Variants in ZNF468 observed in about 807,000 individuals in gnomAD.
The protein encoded by ZNF468 is zinc finger protein ZNF468.
Under a neutral mutation model 7.2 loss-of-function variants are expected in ZNF468, and 8 were observed. That is an observed-to-expected ratio of 1.11 (90% confidence interval 0.65 to 2.01). The LOEUF (loss-of-function observed/expected upper bound fraction) is 2.01. Among genes scored for constraint, ZNF468 ranks in the 30% most tolerant of loss-of-function variants. The probability of loss-of-function intolerance (pLI) is 0.00; values close to 1 mark genes in which losing one functional copy is unlikely to be tolerated. For missense variants in ZNF468, 608 were observed against 626.5 expected (o/e 0.97, Z 0.31); for synonymous variants, 218 against 214.4 (o/e 1.02, Z -0.15).
At chr19:52,849,320 G>A in intron 2 of ZNF468, 107 bp from the exon 3 acceptor site, 1 of 1,571,744 alleles carries the variant, frequency 6.4e-7, no homozygotes, top group Non-Finnish European at 8.6e-7. Context: ...TGTAGAGAAT[G>A]TTCTGACAAA....
At chr19:52,843,135 A>G (rs1600515203) in intron 3 of ZNF468, among the ~76,000 whole-genome samples, 1 of 151,852 alleles carries the variant, frequency 6.6e-6, no homozygotes, top group Non-Finnish European at 1.5e-5. Context: ...AAAAAAAAAA[A>G]AAAAAAGAAA....
At chr19:52,852,242 T>C (rs2063396407) in intron 2 of ZNF468, among the ~76,000 whole-genome samples, 1 of 152,034 alleles carries the variant, frequency 6.6e-6, no homozygotes, top group Non-Finnish European at 1.5e-5. Context: ...GGCTGGCACC[T>C]GTAATCCCAG....
Position 52,842,068 on chromosome 19 carries a change from T to G in ZNF468, c.226A>C (p.Arg76=), listed in dbSNP as rs8100893. The stretch of plus-strand genomic sequence containing the variant: ...TCTCCAATGTGATGACTTGCTTGTC[T>G]GTGCAATGTCCCTGTGTGGATCACT... ...TEVIHTGTLH[R]QASHHIGEFC... The change falls in exon 4 of 4, where the codon AGA becomes CGA. Residue 76 remains arginine (R), a synonymous_variant. Coordinates refer to ENST00000595646, the MANE Select transcript of ZNF468 (RefSeq NM_001008801.2). The G allele has an allele frequency of 0.15, 244,508 of 1,613,604 alleles. 21,364 individuals carry two copies. The highest frequency in any genetic ancestry group is 0.38 in the Admixed American group (22,791 of 59,912).
intron 2 of ZNF468, among the ~76,000 whole-genome samples, chr19:52,851,568 T>C (rs2063390186): frequency 6.6e-6 from 1 of 151,934 alleles, no homozygotes; most frequent in Non-Finnish European, 1.5e-5. Flanking sequence ...GAGCAAGATT[T>C]CGCTCAAAAA....
chr19:52,846,597 C>T (rs12982980), intron 3 of ZNF468: 48,698 of 156,010 alleles, frequency 0.31, 9,994 homozygotes, highest in Non-Finnish European at 0.44. Flanking sequence ...GTACAACACA[C>T]TTCACTTCTA....
At chr19:52,842,226 A>AG in intron 3 of ZNF468, 75 bp from the exon 4 acceptor site, 5 of 1,293,816 alleles carry the variant, frequency 3.9e-6, no homozygotes, top group Non-Finnish European at 5.2e-6. Flanking sequence ...TAAATATCAC[A>AG]GAAAAAAAAC....
intron 2 of ZNF468, among the ~76,000 whole-genome samples, chr19:52,851,302 T>C (rs1013948561): frequency 2.7e-5 from 4 of 149,952 alleles, no homozygotes; most frequent in East Asian, 2.0e-4. Context: ...AAAAGCTGGG[T>C]GAGGTGGCTC....
rs768637243 is a variant in ZNF468 at position 52,838,730 on chromosome 19, A to C, written c.*1995T>G. On this transcript the variant is annotated 3_prime_UTR_variant, in exon 4 of 4. Transcript: ENST00000595646. ...AATTTTAAAAGAAAATTAAAAACCA[A>C]TTCCATTTGCTAAAGAACTTAAAGT... The C allele has an allele frequency of 7.9e-5, 12 of 152,232 alleles. No individual in the cohort carries two copies. Among genetic ancestry groups the C allele is most frequent in the Non-Finnish European group, 1.8e-4 (12 of 68,040 alleles). The allele number at this position is 152,232 out of a possible 1,614,324, so 9.4% of individuals were successfully genotyped here.
intron 3 of ZNF468, among the ~76,000 whole-genome samples, chr19:52,843,922 C>T (rs2063324240): frequency 6.6e-6 from 1 of 152,014 alleles, no homozygotes; most frequent in African/African-American, 2.4e-5. Context: ...GAGTTGAAGA[C>T]CAGCCTGGAC....
Position 52,846,248 on chromosome 19 carries a change from G to A in ZNF468, c.142+2839C>T, listed in dbSNP as rs144113351. ...TTTATTTTTTTCTGTCTCCCAGGCT[G>A]GAGTGCGATGGTGTGTTATCAGCTC... On this transcript the variant is annotated intron_variant, in intron 3 of 3. Transcript: ENST00000595646. Among the ~76,000 whole-genome samples the A allele has an allele frequency of 3.6e-3, 553 of 152,174 alleles. 4 individuals carry two copies. The highest frequency in any genetic ancestry group is 6.5e-3 in the Admixed American group (100 of 15,282).
At chr19:52,844,307 C>CA (rs2063326986) in intron 3 of ZNF468, among the ~76,000 whole-genome samples, 1 of 149,030 alleles carries the variant, frequency 6.7e-6, no homozygotes, top group South Asian at 2.1e-4. Context: ...CTCTTTCCAC[C>CA]GTATTAGGAC....
Position 52,855,631 on chromosome 19 carries a change from C to T in ZNF468, c.-73-1286G>A, listed in dbSNP as rs140506586. Among the ~76,000 whole-genome samples the T allele has an allele frequency of 5.5e-3, 836 of 152,096 alleles. 8 individuals carry two copies. Among genetic ancestry groups the T allele is most frequent in the African/African-American group, 0.019 (801 of 41,500 alleles). On this transcript the variant is annotated intron_variant, in intron 1 of 3. Transcript: ENST00000595646. Reference sequence around the variant, plus strand: ...TGTGATATTCTAATACAGACAAAGGCCTCCAAAGATCCTCTCTGTTTCTGA... The same window carrying T: ...TGTGATATTCTAATACAGACAAAGGTCTCCAAAGATCCTCTCTGTTTCTGA...
intron 2 of ZNF468, 61 bp downstream of exon 2, chr19:52,854,197 C>T: frequency 6.2e-7 from 1 of 1,612,556 alleles, no homozygotes; most frequent in Non-Finnish European, 8.5e-7. Context: ...ATTCCCAACT[C>T]CAAGGCCCAG....
chr19:52,840,605 C>G lies in ZNF468; in HGVS notation c.*120G>C, dbSNP rs1209831166. The G allele has an allele frequency of 2.6e-6, 4 of 1,513,564 alleles. No individual in the cohort carries two copies. In the Admixed American group the frequency reaches 5.1e-5, roughly 19 times the overall value. 93.8% of individuals were successfully genotyped at this position (1,513,564 alleles called of 1,614,324 possible). A position where few individuals can be genotyped will look rare whatever the true frequency, so the allele number is the denominator to read the frequency against. On this transcript the variant is annotated 3_prime_UTR_variant, in exon 4 of 4. Coordinates refer to ENST00000595646, the MANE Select transcript of ZNF468 (RefSeq NM_001008801.2). ...AGTCTATGGTGATGTGCAAAGGTTGCTTTTTGATTAAAAACCTTGCCACAT... is the reference window on the plus strand; with the variant it reads ...AGTCTATGGTGATGTGCAAAGGTTGGTTTTTGATTAAAAACCTTGCCACAT...
rs959470211 is a variant in ZNF468, at chr19:52,839,278, A to T, written c.*1447T>A. 1 of 169,134 alleles carries T rather than the reference A, an allele frequency of 5.9e-6. No individual in the cohort carries two copies. The highest frequency in any genetic ancestry group is 1.3e-5 in the Non-Finnish European group (1 of 78,752). 10.5% of individuals were successfully genotyped at this position (169,134 alleles called of 1,614,324 possible). On this transcript the variant is annotated 3_prime_UTR_variant, in exon 4 of 4. Transcript: ENST00000595646. ...AAAAAAAAACAAGAAAAAGAAAATA[A>T]AGGCTGGGAAAAGTAGCTCCCATCT...
rs1236466092 is a variant in ZNF468, at chr19:52,856,989, C to A, written c.-74+583G>T. Among the ~76,000 whole-genome samples the A allele has an allele frequency of 3.2e-4, 49 of 151,740 alleles. No homozygotes were observed. In the East Asian group the frequency reaches 6.0e-3, roughly 19 times the overall value. On this transcript the variant is annotated intron_variant, in intron 1 of 3. Transcript: ENST00000595646. The stretch of plus-strand genomic sequence containing the variant: ...GAAGCGCATTTTCCAAGTGCTGGAG[C>A]TGGGCGGGCAAGAACACCCCGCGTC...
chr19:52,847,117 T>G (rs1265297586), intron 3 of ZNF468, among the ~76,000 whole-genome samples: 1 of 152,136 alleles, frequency 6.6e-6, no homozygotes. Flanking sequence ...CATAAGAAAC[T>G]CCATTTTGAT....
At position 52,841,317 on chromosome 19, in the gene ZNF468, G is replaced by A; in HGVS notation, c.977C>T (p.Pro326Leu). 1 of 1,613,848 alleles carries A rather than the reference G, an allele frequency of 6.2e-7. No homozygotes were observed. The highest frequency in any genetic ancestry group is 8.5e-7 in the Non-Finnish European group (1 of 1,179,944). ...RHKRIHTGEK[P>L]YKCKVCDEAF... ...CTCATCACAAACCTTACATTTGTAT[G>A]GTTTCTCTCCAGTATGAATCCTCTT... Residue 326 changes from proline (P) to leucine (L), a missense_variant, in exon 4 of 4, where the codon CCA (proline) becomes CTA (leucine). Physicochemically the swap from Pro to Leu is moderately conservative, Grantham distance 98 (BLOSUM62 -3). Transcript: ENST00000595646.
At chr19:52,842,360 C>CAATATATCATG (rs2063311661) in intron 3 of ZNF468, among the ~76,000 whole-genome samples, 1 of 152,154 alleles carries the variant, frequency 6.6e-6, no homozygotes, top group South Asian at 2.1e-4. Flanking sequence ...AGCCTATTTC[C>CAATATATCATG]AATATCATGA....
Sources: gnomAD v4.1 joint callset for allele counts (sites outside exome capture counted in the v4.1 genomes callset) on GRCh38, gnomAD v4.1.1 for gene constraint, MANE v1.5 for transcripts, NCBI Gene and HGNC (gene_info 2026-07-23, HGNC 2026-07-21) for gene names.